Variants in PCDHA13 observed in about 807,000 individuals in gnomAD.
PCDHA13 encodes protocadherin alpha 13, also known as protocadherin alpha-13.
A neutral mutation model predicts 64.8 loss-of-function variants in PCDHA13; 54 were observed. That is an observed-to-expected ratio of 0.83 (90% CI 0.67 to 1.04). The LOEUF (loss-of-function observed/expected upper bound fraction) is 1.04. Among genes scored for constraint, PCDHA13 ranks in the 50% least tolerant of loss-of-function variants. PCDHA13 has a pLI of 0.00. For synonymous variants in PCDHA13, 587 were observed against 564.4 expected (o/e 1.04, Z -0.57); for missense variants, 1,248 against 1,254.3 (o/e 0.99, Z 0.08).
At chr5:140,955,460 C>G (rs1051253944) in intron 1 of PCDHA13, among the ~76,000 whole-genome samples, 2 of 152,000 alleles carry the variant, frequency 1.3e-5, no homozygotes, top group Non-Finnish European at 2.9e-5. Flanking sequence ...GGGCTTTTTC[C>G]TTTTTGCTTG....
In PCDHA13 at chr5:140,982,507, G is replaced by A. The variant is rs555523473; in HGVS notation, c.2486G>A (p.Arg829Gln). 21 of 1,614,138 alleles carry A rather than the reference G, an allele frequency of 1.3e-5. No individual in the cohort carries two copies. The highest frequency in any genetic ancestry group is 4.0e-5 in the African/African-American group (3 of 75,040). ...CACCTAGAGGAGGCTGGCATTCTAC[G>A]GGCTGGTCCAGGAGGGCCTGATCAG... is the stretch of plus-strand genomic sequence containing the variant. ...SVHLEEAGILRAGPGGPDQQW... is the reference protein window; with the variant it reads ...SVHLEEAGILQAGPGGPDQQW... The change falls in exon 3 of 4, where the codon CGG (arginine) becomes CAG (glutamine). Residue 829 changes from arginine (R) to glutamine (Q), a missense_variant. Arg to Gln is a conservative substitution (Grantham distance 43). Coordinates refer to ENST00000289272, the MANE Select transcript of PCDHA13 (RefSeq NM_018904.3).
intron 1 of PCDHA13, among the ~76,000 whole-genome samples, chr5:140,906,637 C>A (rs1171706512): frequency 6.6e-6 from 1 of 152,226 alleles, no homozygotes; most frequent in Non-Finnish European, 1.5e-5. Flanking sequence ...AGCACCTCAG[C>A]AGGTAGTGGT....
chr5:140,967,327 C>T (rs2096128034), intron 1 of PCDHA13: 2 of 1,608,656 alleles, frequency 1.2e-6, no homozygotes, highest in Admixed American at 1.7e-5. Context: ...CCTACGAGCT[C>T]AGCCCCAGCG....
chr5:140,981,138 G>A (rs1554242668), intron 2 of PCDHA13, among the ~76,000 whole-genome samples: 11 of 152,206 alleles, frequency 7.2e-5, no homozygotes. Flanking sequence ...GTCAAAGAGT[G>A]AGAAAACATT....
chr5:140,925,668 A>G (rs1215540778), intron 1 of PCDHA13, among the ~76,000 whole-genome samples: 1 of 149,482 alleles, frequency 6.7e-6, no homozygotes, highest in Admixed American at 6.7e-5. Context: ...TAATAATAAT[A>G]ATAATAATAA....
chr5:140,986,372 G>A lies in PCDHA13; in HGVS notation c.2542+3809G>A, dbSNP rs570215048. ...TCTTCAGATGGAGGAATGCGTTTTG[G>A]GGGGAGGGACATTAAAGGGCCAGTC... On this transcript the variant is annotated intron_variant, in intron 3 of 3. Coordinates refer to ENST00000289272, the MANE Select transcript of PCDHA13 (RefSeq NM_018904.3). Among the ~76,000 whole-genome samples, 23 of 152,248 alleles carry A rather than the reference G, an allele frequency of 1.5e-4. No homozygotes were observed. In the East Asian group the frequency reaches 1.7e-3, roughly 12 times the overall value.
In PCDHA13 at chr5:140,882,691, C is replaced by G. The variant is rs201544181; in HGVS notation, c.423C>G (p.Ile141Met). The change falls in exon 1 of 4, where the codon ATC becomes ATG. Residue 141 changes from isoleucine to methionine, a missense_variant. Transcript: ENST00000289272. Reference sequence around the variant, plus strand: ...TCCCTGAAAGCAAGAAACGAATAATCATTGCAGAATCTAGACCTCCGGAAA... The same window carrying G: ...TCCCTGAAAGCAAGAAACGAATAATGATTGCAGAATCTAGACCTCCGGAAA... ...PIFPESKKRIIIAESRPPETR... is the reference protein window; with the variant it reads ...PIFPESKKRIMIAESRPPETR... The G allele has an allele frequency of 1.2e-6, 2 of 1,614,216 alleles. No individual in the cohort carries two copies. The highest frequency in any genetic ancestry group is 1.7e-5 in the Admixed American group (1 of 60,032).
chr5:140,899,269 A>G (rs1301807291), intron 1 of PCDHA13, among the ~76,000 whole-genome samples: 43 of 152,142 alleles, frequency 2.8e-4, no homozygotes, highest in African/African-American at 1.0e-3. Flanking sequence ...GTCTTGTGGC[A>G]GTTTTCAAAG....
chr5:141,000,839 C>G (rs1194048512), intron 3 of PCDHA13, among the ~76,000 whole-genome samples: 1 of 151,970 alleles, frequency 6.6e-6, no homozygotes, highest in Admixed American at 6.6e-5. Flanking sequence ...TCCAGGAGAT[C>G]CAGTCTGGCA....
intron 1 of PCDHA13, chr5:140,967,578 C>T (rs868970551): frequency 1.9e-6 from 3 of 1,614,000 alleles, no homozygotes; most frequent in Non-Finnish European, 2.5e-6. Flanking sequence ...GAGGACTCAC[C>T]CCCAGGCACA....
intron 2 of PCDHA13, among the ~76,000 whole-genome samples, chr5:140,979,316 G>A (rs782153299): frequency 2.0e-5 from 3 of 151,950 alleles, no homozygotes; most frequent in Non-Finnish European, 4.4e-5. Context: ...CTCTACCTAT[G>A]CTTTCTTTTC....
chr5:140,983,766 T>C (rs1554245666), intron 3 of PCDHA13, among the ~76,000 whole-genome samples: 2 of 152,206 alleles, frequency 1.3e-5, no homozygotes, highest in African/African-American at 4.8e-5. Flanking sequence ...TTCAAATACA[T>C]ATCTACATAC....
At chr5:140,884,732 A>G in intron 1 of PCDHA13, 70 bp downstream of exon 1, 2 of 1,448,046 alleles carry the variant, frequency 1.4e-6, no homozygotes, top group South Asian at 1.6e-5. Flanking sequence ...TGTTTAAGAC[A>G]TCTTTCCTGC....
chr5:140,947,975 A>C lies in PCDHA13; in HGVS notation c.2395-30974A>C, dbSNP rs572156919. ...TTTTACAATTAAGTATGTGCTACTC[A>C]TAGGTTTTTCCCAAATACTTTATTA... On this transcript the variant is annotated intron_variant, in intron 1 of 3. Transcript: ENST00000289272. Among the ~76,000 whole-genome samples the C allele has an allele frequency of 2.7e-5, 4 of 150,726 alleles. No individual in the cohort carries two copies. In the East Asian group the frequency reaches 7.8e-4, roughly 29 times the overall value.
intron 3 of PCDHA13, among the ~76,000 whole-genome samples, chr5:140,990,715 A>G (rs927680875): frequency 1.3e-5 from 2 of 152,194 alleles, no homozygotes; most frequent in Non-Finnish European, 2.9e-5. Context: ...GGATAAGAGC[A>G]TCACTAGGTA....
chr5:140,932,032 A>G (rs2087965086), intron 1 of PCDHA13, among the ~76,000 whole-genome samples: 1 of 151,934 alleles, frequency 6.6e-6, no homozygotes, highest in African/African-American at 2.4e-5. Context: ...TTTACAGTAT[A>G]TATTAACATA....
At chr5:140,996,087 G>C (rs1178912945) in intron 3 of PCDHA13, among the ~76,000 whole-genome samples, 3 of 152,200 alleles carry the variant, frequency 2.0e-5, no homozygotes, top group Non-Finnish European at 4.4e-5. Flanking sequence ...GTTTTTGCTA[G>C]ATTACATGGA....
chr5:141,000,387 CTCTCTCTCTATATATA>C (rs1282156924), intron 3 of PCDHA13, among the ~76,000 whole-genome samples: 8 of 66,888 alleles, frequency 1.2e-4, no homozygotes, highest in African/African-American at 4.0e-4. Flanking sequence ...CTCTCTCTCT[CTCTCTCTCTATATATA>C]TATATATATA....
chr5:140,927,071 G>A lies in PCDHA13; in HGVS notation c.2394+42409G>A. 3 of 1,611,088 alleles carry A rather than the reference G, an allele frequency of 1.9e-6. No homozygotes were observed. The highest frequency in any genetic ancestry group is 2.5e-6 in the Non-Finnish European group (3 of 1,177,862). On this transcript the variant is annotated intron_variant, in intron 1 of 3. Transcript: ENST00000289272. ...TCGCGGAACTTTCGCTTCCTTTCCAGCCACCGCGAGCTCTACTTCGGGGTG... is the reference window on the plus strand; with the variant it reads ...TCGCGGAACTTTCGCTTCCTTTCCAACCACCGCGAGCTCTACTTCGGGGTG...
Sources: allele counts gnomAD v4.1 joint callset (sites outside exome capture counted in the v4.1 genomes callset), GRCh38; gene constraint gnomAD v4.1.1; transcripts MANE v1.5; gene names NCBI Gene and HGNC (gene_info 2026-07-23, HGNC 2026-07-21).